PCDHA7: variants seen among roughly 807,000 people sequenced by gnomAD.
The protein encoded by PCDHA7 is protocadherin alpha 7.
PCDHA7 carries 37 observed loss-of-function variants against 57.2 expected under a neutral mutation model. That is an observed-to-expected ratio of 0.65 (90% CI 0.50 to 0.85). PCDHA7 has a LOEUF of 0.85. Among genes scored for constraint, PCDHA7 ranks in the 40% least tolerant of loss-of-function variants. The probability of loss-of-function intolerance (pLI) is 0.00; values close to 1 mark genes in which losing one functional copy is unlikely to be tolerated. For synonymous variants in PCDHA7, 553 were observed against 558.8 expected (o/e 0.99, Z 0.15); for missense variants, 1,188 against 1,241.8 (o/e 0.96, Z 0.65).
At chr5:140,843,144 C>G (rs1554139783) in intron 1 of PCDHA7, 3 of 1,596,036 alleles carry the variant, frequency 1.9e-6, no homozygotes, top group Non-Finnish European at 2.6e-6. Flanking sequence ...GCGTGGCTTT[C>G]GTATGAGCTG....
chr5:140,899,606 A>G (rs1330407383), intron 1 of PCDHA7, among the ~76,000 whole-genome samples: 1 of 152,168 alleles, frequency 6.6e-6, no homozygotes, highest in Non-Finnish European at 1.5e-5. Flanking sequence ...GGACTTTTGC[A>G]TCAATGTTCA....
rs577931904 is a variant in PCDHA7 at position 140,968,275 on chromosome 5, G to A, written c.2356-10674G>A. On this transcript the variant is annotated intron_variant, in intron 1 of 3. Coordinates refer to ENST00000525929, the MANE Select transcript of PCDHA7 (RefSeq NM_018910.3). ...ACCCAGATGAAAAGGAGAATGCAGA[G>A]GTGACCTACTCCCTTCTGGAGAGGG... is the stretch of plus-strand genomic sequence containing the variant. The A allele has an allele frequency of 5.0e-6, 8 of 1,614,040 alleles. No individual in the cohort carries two copies. The African/African-American group carries it at 8.0e-5, about 16-fold the overall frequency.
rs782517492 is a variant in PCDHA7, at chr5:140,857,455, A to G, written c.2355+20717A>G. The G allele has an allele frequency of 3.4e-5, 54 of 1,598,538 alleles. 6 individuals carry two copies. Among genetic ancestry groups the G allele is most frequent in the Admixed American group, 1.0e-4 (6 of 59,344 alleles). On this transcript the variant is annotated intron_variant, in intron 1 of 3. Transcript: ENST00000525929. ...TGTTCGTGAAGGAGAACAACCCGCC[A>G]GGCTGCCACATCTTCACGGTGTCTG...
chr5:140,871,354 C>A, intron 1 of PCDHA7: 1 of 1,614,210 alleles, frequency 6.2e-7, no homozygotes, highest in Non-Finnish European at 8.5e-7. Flanking sequence ...GTCATACTCG[C>A]AGCAGAGGCG....
intron 1 of PCDHA7, chr5:140,875,208 C>T (rs1297860404): frequency 3.0e-6 from 2 of 668,426 alleles, no homozygotes; most frequent in Non-Finnish European, 2.2e-6. Context: ...GTGGCTAAAC[C>T]GAAAAGAACC....
chr5:140,857,320 G>T, intron 1 of PCDHA7: 1 of 1,598,728 alleles, frequency 6.3e-7, no homozygotes. Flanking sequence ...AGCTGGTGGT[G>T]ACCGCGCGGG....
At chr5:140,934,163 G>A (rs2153618590) in intron 1 of PCDHA7, among the ~76,000 whole-genome samples, 1 of 152,110 alleles carries the variant, frequency 6.6e-6, no homozygotes, top group Non-Finnish European at 1.5e-5. Flanking sequence ...ATTTCAGTGT[G>A]CAACAGAAGT....
chr5:140,982,583 C>T lies in PCDHA7; in HGVS notation c.2503+20C>T, dbSNP rs1251252617. ...CACCAGGTAAAGAGCTGGGGTCTCT[C>T]CATTCTTTCTTGGTTTCTGGAAAGT... is the stretch of plus-strand genomic sequence containing the variant. On this transcript the variant is annotated intron_variant, in intron 3 of 3. Coordinates refer to ENST00000525929, the MANE Select transcript of PCDHA7 (RefSeq NM_018910.3). The T allele has an allele frequency of 1.2e-6, 2 of 1,612,084 alleles. No homozygotes were observed. The highest frequency in any genetic ancestry group is 4.5e-5 in the East Asian group (2 of 44,856).
intron 3 of PCDHA7, among the ~76,000 whole-genome samples, chr5:141,002,815 T>G (rs1554258803): frequency 6.6e-6 from 1 of 152,176 alleles, no homozygotes; most frequent in African/African-American, 2.4e-5. Flanking sequence ...GGCTCAGAGA[T>G]ATTTATGTAA....
At chr5:140,927,076 C>T (rs142317713) in intron 1 of PCDHA7, 7 of 1,611,008 alleles carry the variant, frequency 4.3e-6, no homozygotes, top group Non-Finnish European at 5.1e-6. Context: ...TTCCAGCCAC[C>T]GCGAGCTCTA....
intron 1 of PCDHA7, among the ~76,000 whole-genome samples, chr5:140,897,453 C>T (rs1437046068): frequency 6.6e-6 from 1 of 151,162 alleles, no homozygotes; most frequent in African/African-American, 2.4e-5. Context: ...GTTTTTTGTC[C>T]TTGCGATAGT....
chr5:140,919,455 ATGT>A (rs2079137711), intron 1 of PCDHA7, among the ~76,000 whole-genome samples: 1 of 152,118 alleles, frequency 6.6e-6, no homozygotes, highest in Admixed American at 6.5e-5. Flanking sequence ...TATTCACATG[ATGT>A]TACTATTGAT....
At chr5:140,897,086 T>G (rs527763854) in intron 1 of PCDHA7, among the ~76,000 whole-genome samples, 379 of 152,296 alleles carry the variant, frequency 2.5e-3, no homozygotes, top group African/African-American at 8.4e-3. Context: ...TTCTATTTTT[T>G]ATCCTCATTA....
At chr5:140,837,849 A>C (rs957584750) in intron 1 of PCDHA7, among the ~76,000 whole-genome samples, 1 of 150,852 alleles carries the variant, frequency 6.6e-6, no homozygotes, top group Non-Finnish European at 1.5e-5. Flanking sequence ...GGCTAATTTT[A>C]TTTTATTTTT....
At position 140,877,186 on chromosome 5, in the gene PCDHA7, A is replaced by C; in HGVS notation, c.2355+40448A>C. On this transcript the variant is annotated intron_variant, in intron 1 of 3. Coordinates refer to ENST00000525929, the MANE Select transcript of PCDHA7 (RefSeq NM_018910.3). The stretch of plus-strand genomic sequence containing the variant: ...GGCACTGCTGGCGACTCCGGCTGGC[A>C]GCGCAGGAGGCGCAGTTAGCGAGTT... 1 of 1,613,832 alleles carries C rather than the reference A, an allele frequency of 6.2e-7. No homozygotes were observed. Among genetic ancestry groups the C allele is most frequent in the Non-Finnish European group, 8.5e-7 (1 of 1,179,822 alleles).
intron 1 of PCDHA7, chr5:140,877,334 C>G (rs375199455): frequency 3.1e-6 from 5 of 1,613,884 alleles, no homozygotes; most frequent in African/African-American, 1.3e-5. Flanking sequence ...GCGCACATCC[C>G]GTTCCACGTG....
At chr5:140,868,961 A>G in intron 1 of PCDHA7, 1 of 1,418,552 alleles carries the variant, frequency 7.0e-7, no homozygotes, top group Non-Finnish European at 9.5e-7. Context: ...ACTCCCATAC[A>G]AAGGAACTCC....
At position 140,969,226 on chromosome 5, in the gene PCDHA7, G is replaced by A. The variant is rs145631723; in HGVS notation, c.2356-9723G>A. 3.9e-4 allele frequency: 622 copies of A among 1,614,150 alleles called. 3 individuals are homozygous for A. The African/African-American group carries it at 5.9e-3, about 15-fold the overall frequency. On this transcript the variant is annotated intron_variant, in intron 1 of 3. Transcript: ENST00000525929. Reference sequence around the variant, plus strand: ...GGGCCCAGACAGGACCAGGGCCTTCGGGAGCCCAAGCAGCAGTGACTGACA... The same window carrying A: ...GGGCCCAGACAGGACCAGGGCCTTCAGGAGCCCAAGCAGCAGTGACTGACA...
chr5:140,933,833 A>G (rs944428844), intron 1 of PCDHA7, among the ~76,000 whole-genome samples: 1 of 151,928 alleles, frequency 6.6e-6, no homozygotes, highest in East Asian at 1.9e-4. Flanking sequence ...TATTGCTCCT[A>G]TTTCATTCCT....
Sources: allele counts gnomAD v4.1 joint callset (sites outside exome capture counted in the v4.1 genomes callset), GRCh38; gene constraint gnomAD v4.1.1; transcripts MANE v1.5; gene names NCBI Gene and HGNC (gene_info 2026-07-23, HGNC 2026-07-21).